The following MYD88 variants were observed in gnomAD, a reference collection of about 807,000 sequenced individuals.
MYD88 encodes myeloid differentiation primary response protein MyD88.
Under a neutral mutation model 31.1 loss-of-function variants are expected in MYD88, and 15 were observed. The observed-to-expected ratio is 0.48, with a 90% CI of 0.32 to 0.74. The LOEUF is 0.74. Among genes scored for constraint, MYD88 ranks in the 30% least tolerant of loss-of-function variants. The pLI is 0.03. For synonymous variants in MYD88, 157 were observed against 158.8 expected (o/e 0.99, Z 0.08); for missense variants, 308 against 387.4 (o/e 0.79, Z 1.72).
Position 38,139,949 on chromosome 3 carries a change from C to T in MYD88, c.414C>T (p.Val138=), listed in dbSNP as rs755315732. The T allele has an allele frequency of 6.2e-7, 1 of 1,613,594 alleles. No homozygotes were observed. The highest frequency in any genetic ancestry group is 1.3e-5 in the African/African-American group (1 of 74,926). Residue 138 remains valine (V), a synonymous_variant, in exon 2 of 5, where the codon GTC becomes GTT. Transcript: ENST00000650905. This position sits in a 1 kb window ranked among gnomAD's most constrained non-coding sequence, Gnocchi z 4.7. ...AGGTGGCCGCTGTAGACAGCAGTGT[C>T]CCACGGACAGCAGAGCTGGCGGGCA... ...PLQVAAVDSS[V]PRTAELAGIT...
Position 38,140,938 on chromosome 3 carries a change from T to C in MYD88, c.736+90T>C. On this transcript the variant is annotated intron_variant, in intron 4 of 4. Transcript: ENST00000650905. ...GCCTTCCCTCCCCAAGGACTGTGGA[T>C]GCAGTACCAAAGAACTGCTGAAGAT... The C allele has an allele frequency of 7.1e-6, 10 of 1,407,932 alleles. 1 individual carries two copies. The South Asian group carries it at 1.0e-4, about 15-fold the overall frequency. 87.2% of individuals were successfully genotyped at this position (1,407,932 alleles called of 1,614,324 possible). A position where few individuals can be genotyped will look rare whatever the true frequency, so the allele number is the denominator to read the frequency against.
At position 38,140,863 on chromosome 3, in the gene MYD88, G is replaced by C. The variant is rs1701063142; in HGVS notation, c.736+15G>C. On this transcript the variant is annotated intron_variant, in intron 4 of 4. Transcript: ENST00000650905. The stretch of plus-strand genomic sequence containing the variant: ...CCTCTCTCCAGGTAAGCTCAACCCT[G>C]CTCTGGCAAGAGAATGAGGGAATGT... The C allele has an allele frequency of 6.2e-7, 1 of 1,610,084 alleles. No individual in the cohort carries two copies. The highest frequency in any genetic ancestry group is 8.5e-7 in the Non-Finnish European group (1 of 1,176,274).
At chr3:38,141,057 C>G (rs1411532795) in intron 4 of MYD88, 75 bp from the exon 5 acceptor site, 1 of 1,603,648 alleles carries the variant, frequency 6.2e-7, no homozygotes, top group African/African-American at 1.3e-5. Context: ...TGTTGTTAAC[C>G]CTGGGGTTGA....
chr3:38,139,641 G>A lies in MYD88; in HGVS notation c.329-223G>A. On this transcript the variant is annotated intron_variant, in intron 1 of 4. Transcript: ENST00000650905. The surrounding 1 kb of genome is among the most constrained non-coding windows in gnomAD (Gnocchi z 4.7). ...ACAGAGATACAAACCTGACTTTGAT[G>A]GCCTTCCAGAAAGCCAGAACACCAC... The A allele has an allele frequency of 1.7e-6, 1 of 594,822 alleles. No homozygotes were observed. The highest frequency in any genetic ancestry group is 3.0e-6 in the Non-Finnish European group (1 of 333,356). 36.8% of individuals were successfully genotyped at this position (594,822 alleles called of 1,614,324 possible).
Position 38,139,276 on chromosome 3 carries a change from G to A in MYD88, c.328+248G>A, listed in dbSNP as rs2125776645. 3.4e-6 allele frequency: 2 copies of A among 586,296 alleles called. No homozygotes were observed. 36.3% of individuals were successfully genotyped at this position (586,296 alleles called of 1,614,324 possible). A position where few individuals can be genotyped will look rare whatever the true frequency, so the allele number is the denominator to read the frequency against. ...CAGCTTAGGCAGAGGCTTTCAGGTA[G>A]GGCCAGGAGTCAGAATCAGGCTTCT... On this transcript the variant is annotated intron_variant, in intron 1 of 4. Coordinates refer to ENST00000650905, the MANE Select transcript of MYD88 (RefSeq NM_002468.5). This position sits in a 1 kb window ranked among gnomAD's most constrained non-coding sequence, Gnocchi z 4.7.
Position 38,139,728 on chromosome 3 carries a change from C to G in MYD88, c.329-136C>G. On this transcript the variant is annotated intron_variant, in intron 1 of 4. Transcript: ENST00000650905. This position sits in a 1 kb window ranked among gnomAD's most constrained non-coding sequence, Gnocchi z 4.7. Reference sequence around the variant, plus strand: ...TCAACTTCTCAGAGCCGTTGAGCTTCGCGTGGCACCAGTGAACTGGGGAAG... The same window carrying G: ...TCAACTTCTCAGAGCCGTTGAGCTTGGCGTGGCACCAGTGAACTGGGGAAG... The G allele has an allele frequency of 1.8e-6, 2 of 1,121,614 alleles. No homozygotes were observed. Among genetic ancestry groups the G allele is most frequent in the African/African-American group, 3.0e-5 (2 of 66,042 alleles). 69.5% of individuals were successfully genotyped at this position (1,121,614 alleles called of 1,614,324 possible). A position where few individuals can be genotyped will look rare whatever the true frequency, so the allele number is the denominator to read the frequency against.
rs549914878 is a variant in MYD88, at chr3:38,140,455, G to A, written c.531G>A (p.Glu177=). 6.2e-7 allele frequency: 1 copy of A among 1,614,266 alleles called. No homozygotes were observed. Among genetic ancestry groups the A allele is most frequent in the African/African-American group, 1.3e-5 (1 of 75,072 alleles). Residue 177 remains glutamate (E), a synonymous_variant, in exon 3 of 5, where the codon GAG becomes GAA. Transcript: ENST00000650905. ...CCAGCGACATCCAGTTTGTGCAGGA[G>A]ATGATCCGGCAACTGGAACAGACAA... The part of the protein sequence containing the change: ...YCPSDIQFVQ[E]MIRQLEQTNY...
intron 3 of MYD88, 73 bp from the exon 4 acceptor site, chr3:38,140,684 T>C (rs1701057379): frequency 9.4e-6 from 15 of 1,595,426 alleles, no homozygotes; most frequent in African/African-American, 1.3e-5. Context: ...AGTGGGCCCT[T>C]CCTGAAGCTA....
At position 38,140,743 on chromosome 3, in the gene MYD88, C is replaced by G. The variant is rs760481307; in HGVS notation, c.645-14C>G. 1 of 1,613,256 alleles carries G rather than the reference C, an allele frequency of 6.2e-7. No homozygotes were observed. The highest frequency in any genetic ancestry group is 1.3e-5 in the African/African-American group (1 of 74,984). On this transcript the variant is annotated splice_polypyrimidine_tract_variant and intron_variant, in intron 3 of 4. Transcript: ENST00000650905. ...AGTTGCCACAGGACCTGCAGCCTGC[C>G]CACTCTCCCCTAGGTGCCGCCGGAT... is the stretch of plus-strand genomic sequence containing the variant.
At position 38,138,764 on chromosome 3, in the gene MYD88, C is replaced by T. The variant is rs2125775364; in HGVS notation, c.64C>T (p.Leu22=). The part of the protein sequence containing the change: ...APVSSTSSLP[L]AALNMRVRRR... ...GGTCTCCTCCACATCCTCCCTTCCC[C>T]TGGCTGCTCTCAACATGCGAGTGCG... The change falls in exon 1 of 5, where the codon CTG becomes TTG. Residue 22 remains leucine (L), a synonymous_variant. Transcript: ENST00000650905. This position sits in a 1 kb window ranked among gnomAD's most constrained non-coding sequence, Gnocchi z 6.4. 3 of 1,612,878 alleles carry T rather than the reference C, an allele frequency of 1.9e-6. No individual in the cohort carries two copies. The highest frequency in any genetic ancestry group is 1.7e-6 in the Non-Finnish European group (2 of 1,179,884).
Position 38,139,885 on chromosome 3 carries a change from T to A in MYD88, c.350T>A (p.Ile117Asn). The A allele has an allele frequency of 6.2e-7, 1 of 1,613,232 alleles. No homozygotes were observed. Among genetic ancestry groups the A allele is most frequent in the Non-Finnish European group, 8.5e-7 (1 of 1,180,020 alleles). Residue 117 changes from isoleucine (I) to asparagine (N), a missense_variant, in exon 2 of 5, where the codon ATC (isoleucine) becomes AAC (asparagine). By Grantham distance (149) the Ile-to-Asn change is moderately radical (BLOSUM62 -3). Coordinates refer to ENST00000650905, the MANE Select transcript of MYD88 (RefSeq NM_002468.5). This position sits in a 1 kb window ranked among gnomAD's most constrained non-coding sequence, Gnocchi z 4.7. ...PSIEEDCQKY[I>N]LKQQQEEAEK... ...ACAGAGGAGGATTGCCAAAAGTATA[T>A]CTTGAAGCAGCAGCAGGAGGAGGCT...
chr3:38,139,779 A>C lies in MYD88; in HGVS notation c.329-85A>C. The C allele has an allele frequency of 6.4e-7, 1 of 1,561,484 alleles. No homozygotes were observed. Among genetic ancestry groups the C allele is most frequent in the Non-Finnish European group, 8.7e-7 (1 of 1,143,812 alleles). On this transcript the variant is annotated intron_variant, in intron 1 of 4. Coordinates refer to ENST00000650905, the MANE Select transcript of MYD88 (RefSeq NM_002468.5). This position sits in a 1 kb window ranked among gnomAD's most constrained non-coding sequence, Gnocchi z 4.7. ...CCCTCTAGAACAACCCAGCCAGAGG[A>C]GGTGGGACAGCGGCTGGATCCTGAC...
chr3:38,140,953 C>T (rs938211130), intron 4 of MYD88, 105 bp downstream of exon 4: 43 of 1,373,884 alleles, frequency 3.1e-5, no homozygotes, highest in Non-Finnish European at 4.5e-5. Flanking sequence ...TACCAAAGAA[C>T]TGCTGAAGAT....
chr3:38,141,090 G>A (rs1330103954), intron 4 of MYD88, 42 bp from the exon 5 acceptor site: 3 of 1,614,080 alleles, frequency 1.9e-6, no homozygotes, highest in South Asian at 1.1e-5. Context: ...TCCCACCATG[G>A]GGCAAGGGCC....
At position 38,141,259 on chromosome 3, in the gene MYD88, C is replaced by T. The variant is rs2125780716; in HGVS notation, c.864C>T (p.Arg288=). The change falls in exon 5 of 5, where the codon CGC becomes CGT. Residue 288 remains arginine, a synonymous_variant. Coordinates refer to ENST00000650905, the MANE Select transcript of MYD88 (RefSeq NM_002468.5). ...GCACCAAATCTTGGTTCTGGACTCG[C>T]CTTGCCAAGGCCTTGTCCCTGCCCT... is the stretch of plus-strand genomic sequence containing the variant. The part of the protein sequence containing the change: ...NPCTKSWFWT[R]LAKALSLP 1.9e-6 allele frequency: 3 copies of T among 1,614,220 alleles called. No homozygotes were observed. Among genetic ancestry groups the T allele is most frequent in the Non-Finnish European group, 2.5e-6 (3 of 1,180,046 alleles).
At chr3:38,140,340 A>G (rs1229256736) in intron 2 of MYD88, 48 bp from the exon 3 acceptor site, 1 of 1,606,280 alleles carries the variant, frequency 6.2e-7, no homozygotes, top group Non-Finnish European at 8.5e-7. Context: ...GATCCCTCCC[A>G]AGCCTTCCCA....
chr3:38,139,183 T>A lies in MYD88; in HGVS notation c.328+155T>A. ...AGAACCATGCGGGTCCCGTTCCTTC[T>A]TAATAACCGGTCGCGGTTATTAAGA... On this transcript the variant is annotated intron_variant, in intron 1 of 4. Coordinates refer to ENST00000650905, the MANE Select transcript of MYD88 (RefSeq NM_002468.5). The surrounding 1 kb of genome is among the most constrained non-coding windows in gnomAD (Gnocchi z 4.7). The A allele has an allele frequency of 9.4e-7, 1 of 1,058,266 alleles. No individual in the cohort carries two copies. Among genetic ancestry groups the A allele is most frequent in the Non-Finnish European group, 1.3e-6 (1 of 756,738 alleles). 65.6% of individuals were successfully genotyped at this position (1,058,266 alleles called of 1,614,324 possible).
Position 38,138,693 on chromosome 3 carries a change from C to A in MYD88, c.-8C>A. 10 of 1,597,022 alleles carry A rather than the reference C, an allele frequency of 6.3e-6. No individual in the cohort carries two copies. The highest frequency in any genetic ancestry group is 8.5e-6 in the Non-Finnish European group (10 of 1,170,084). ...CCCGACCGCGCTGAGGCTCCAGGAC[C>A]GCCCGCCATGGCTGCAGGAGGTCCC... is the stretch of plus-strand genomic sequence containing the variant. On this transcript the variant is annotated 5_prime_UTR_variant, in exon 1 of 5. Transcript: ENST00000650905. This position sits in a 1 kb window ranked among gnomAD's most constrained non-coding sequence, Gnocchi z 6.4.
chr3:38,139,990 A>T lies in MYD88; in HGVS notation c.455A>T (p.Asp152Val), dbSNP rs772098418. ...CTGGCGGGCATCACCACACTTGATG[A>T]CCCCCTGGGTAAGGGTCCAATACTG... ...AELAGITTLD[D>V]PLGHMPERFD... The change falls in exon 2 of 5, where the codon GAC (aspartate) becomes GTC (valine). Residue 152 changes from aspartate to valine, a missense_variant. Coordinates refer to ENST00000650905, the MANE Select transcript of MYD88 (RefSeq NM_002468.5). This position sits in a 1 kb window ranked among gnomAD's most constrained non-coding sequence, Gnocchi z 4.7. The T allele has an allele frequency of 1.2e-6, 2 of 1,613,478 alleles. No homozygotes were observed. Among genetic ancestry groups the T allele is most frequent in the Non-Finnish European group, 1.7e-6 (2 of 1,179,828 alleles).
Sources: allele counts gnomAD v4.1 joint callset, GRCh38; gene constraint gnomAD v4.1.1; non-coding constraint Gnocchi (gnomAD v3.1); transcripts MANE v1.5; gene names NCBI Gene and HGNC (gene_info 2026-07-23, HGNC 2026-07-21).